Variants in CA10 observed in about 807,000 individuals in gnomAD.
CA10 encodes the protein carbonic anhydrase-related protein 10.
Under a neutral mutation model 44.2 loss-of-function variants are expected in CA10, and 14 were observed. The observed-to-expected ratio is 0.32, with a 90% CI of 0.21 to 0.50. The LOEUF (loss-of-function observed/expected upper bound fraction) is 0.50, where lower values mean the gene tolerates loss of function less well. Ranked by LOEUF, CA10 falls within the 20% of genes least tolerant of loss-of-function variation. The pLI, the probability that CA10 is intolerant of heterozygous loss-of-function variation, is 0.99. For missense variants in CA10, 350 were observed against 409.7 expected (o/e 0.85, Z 1.26); for synonymous variants, 159 against 141.6 (o/e 1.12, Z -0.87).
chr17:51,788,888 C>T (rs777653896), intron 3 of CA10, among the ~76,000 whole-genome samples: 2 of 152,168 alleles, frequency 1.3e-5, no homozygotes, highest in African/African-American at 4.8e-5. Flanking sequence ...TACCTCAATA[C>T]CTCTAGATAG....
chr17:52,116,090 CAAAA>C (rs71149393), intron 1 of CA10, among the ~76,000 whole-genome samples: 1 of 136,794 alleles, frequency 7.3e-6, no homozygotes, highest in Non-Finnish European at 1.6e-5. Context: ...GACTCTGTCT[CAAAA>C]AAAAAAAAAA....
At chr17:51,961,915 C>T (rs1449812704) in intron 2 of CA10, among the ~76,000 whole-genome samples, 1 of 152,134 alleles carries the variant, frequency 6.6e-6, no homozygotes, top group East Asian at 1.9e-4. Context: ...CTCACCTTTC[C>T]TGCACAGAAA....
intron 3 of CA10, among the ~76,000 whole-genome samples, chr17:51,856,943 C>T (rs777897807): frequency 1.3e-4 from 20 of 152,068 alleles, no homozygotes; most frequent in Non-Finnish European, 2.4e-4. Flanking sequence ...CCAGAGTGAA[C>T]GGTGGCTGAA....
At chr17:52,011,280 C>T (rs1031943535) in intron 2 of CA10, among the ~76,000 whole-genome samples, 1 of 151,930 alleles carries the variant, frequency 6.6e-6, no homozygotes, top group African/African-American at 2.4e-5. Context: ...CAATCCTGGG[C>T]TTCATAGCCC....
In CA10 at chr17:51,950,603, C is replaced by T. The variant is rs145392314; in HGVS notation, c.137-19471G>A. The stretch of plus-strand genomic sequence containing the variant: ...ACTGCTTCCTCTTCATTTGGGCCAC[C>T]GCTTCTTGCCCTGGAGGAGATAGTT... On this transcript the variant is annotated intron_variant, in intron 2 of 8. Transcript: ENST00000451037. Among the ~76,000 whole-genome samples the T allele has an allele frequency of 1.2e-3, 187 of 152,226 alleles. 5 individuals are homozygous for T. The South Asian group carries it at 0.023, about 19-fold the overall frequency.
intron 3 of CA10, among the ~76,000 whole-genome samples, chr17:51,824,916 G>C (rs1907949160): frequency 6.6e-6 from 1 of 152,242 alleles, no homozygotes. Context: ...TGCAGGCGTG[G>C]CCTTGGCAGC....
intron 3 of CA10, among the ~76,000 whole-genome samples, chr17:51,819,869 T>C (rs1018652663): frequency 6.6e-6 from 1 of 152,108 alleles, no homozygotes; most frequent in African/African-American, 2.4e-5. Flanking sequence ...ATGCTCTCTG[T>C]CTCTGTCTTT....
chr17:51,889,482 C>A (rs1315037210), intron 3 of CA10, among the ~76,000 whole-genome samples: 1 of 152,112 alleles, frequency 6.6e-6, no homozygotes, highest in Non-Finnish European at 1.5e-5. Context: ...CATGATTGCG[C>A]CACTGTGCTC....
At chr17:51,990,883 T>G (rs1316353329) in intron 2 of CA10, among the ~76,000 whole-genome samples, 3 of 152,072 alleles carry the variant, frequency 2.0e-5, no homozygotes, top group African/African-American at 7.2e-5. Flanking sequence ...GAAAAACCAC[T>G]TGTATCATAG....
At chr17:52,074,541 A>G (rs753036179) in intron 1 of CA10, among the ~76,000 whole-genome samples, 1 of 152,164 alleles carries the variant, frequency 6.6e-6, no homozygotes, top group African/African-American at 2.4e-5. Context: ...ATTCTACGAG[A>G]CAGTCATTGG....
intron 2 of CA10, among the ~76,000 whole-genome samples, chr17:52,011,565 A>G (rs1294277507): frequency 6.6e-6 from 1 of 152,114 alleles, no homozygotes; most frequent in African/African-American, 2.4e-5. Context: ...CAAATGAGAA[A>G]AAAAATCTAC....
At chr17:51,925,707 C>A (rs532377436) in intron 3 of CA10, among the ~76,000 whole-genome samples, 12 of 152,190 alleles carry the variant, frequency 7.9e-5, no homozygotes, top group South Asian at 4.2e-4. Context: ...GACAGAAGAA[C>A]AGACAAACAA....
intron 2 of CA10, among the ~76,000 whole-genome samples, chr17:52,071,764 A>C (rs1987685616): frequency 6.6e-6 from 1 of 152,208 alleles, no homozygotes; most frequent in African/African-American, 2.4e-5. Flanking sequence ...TAATGAGGGT[A>C]AGAGTAGTGG....
chr17:51,665,231 A>T (rs904704458), intron 4 of CA10, among the ~76,000 whole-genome samples: 1 of 152,218 alleles, frequency 6.6e-6, no homozygotes, highest in African/African-American at 2.4e-5. Context: ...ATACTTAATA[A>T]GCAGAAACAC....
intron 6 of CA10, among the ~76,000 whole-genome samples, chr17:51,640,588 T>C (rs978739849): frequency 1.3e-5 from 2 of 152,206 alleles, no homozygotes; most frequent in African/African-American, 4.8e-5. Flanking sequence ...GTATTGGGAT[T>C]TGAAAGCCAC....
intron 3 of CA10, among the ~76,000 whole-genome samples, chr17:51,834,797 T>C (rs1203933511): frequency 2.0e-5 from 3 of 152,218 alleles, no homozygotes; most frequent in African/African-American, 4.8e-5. Context: ...ACTTACTTTA[T>C]ATGGTTGTCG....
chr17:51,859,733 G>T (rs980590784), intron 3 of CA10, among the ~76,000 whole-genome samples: 3 of 152,274 alleles, frequency 2.0e-5, no homozygotes, highest in Admixed American at 2.0e-4. Context: ...CAGGGTTTTT[G>T]TGAAGACTAA....
intron 4 of CA10, among the ~76,000 whole-genome samples, chr17:51,705,318 A>G (rs1915729717): frequency 6.6e-6 from 1 of 152,180 alleles, no homozygotes; most frequent in Non-Finnish European, 1.5e-5. Context: ...GCTTCTATAT[A>G]TACACATAGA....
At chr17:52,077,647 A>C (rs541124569) in intron 1 of CA10, among the ~76,000 whole-genome samples, 1 of 152,274 alleles carries the variant, frequency 6.6e-6, no homozygotes, top group Admixed American at 6.5e-5. Context: ...TTACAAAAAA[A>C]AAAAAAAAAT....
Sources: allele counts gnomAD v4.1 joint callset (sites outside exome capture counted in the v4.1 genomes callset), GRCh38; gene constraint gnomAD v4.1.1; transcripts MANE v1.5; gene names NCBI Gene and HGNC (gene_info 2026-07-23, HGNC 2026-07-21).